KCTD8: variants seen among roughly 807,000 people sequenced by gnomAD.
KCTD8 encodes the protein BTB/POZ domain-containing protein KCTD8.
In KCTD8, 27 loss-of-function variants were observed where a neutral mutation model predicts 31.5. The observed-to-expected ratio is 0.86, with a 90% confidence interval of 0.63 to 1.18. The LOEUF (loss-of-function observed/expected upper bound fraction) is 1.18, where lower values mean the gene tolerates loss of function less well. Among genes scored for constraint, KCTD8 ranks in the 50% most tolerant of loss-of-function variants. The pLI, the probability that KCTD8 is intolerant of heterozygous loss-of-function variation, is 0.00. For missense variants in KCTD8, 658 were observed against 647.7 expected (o/e 1.02, Z -0.17); for synonymous variants, 290 against 280.0 (o/e 1.04, Z -0.36).
chr4:44,331,731 TTATA>T (rs368728228), intron 1 of KCTD8, among the ~76,000 whole-genome samples: 1 of 147,674 alleles, frequency 6.8e-6, no homozygotes, highest in African/African-American at 2.5e-5. Flanking sequence ...ATATATAGTT[TTATA>T]TATATATATA....
chr4:44,429,443 G>A (rs1280810193), intron 1 of KCTD8, among the ~76,000 whole-genome samples: 2 of 151,704 alleles, frequency 1.3e-5, no homozygotes, highest in Non-Finnish European at 2.9e-5. Flanking sequence ...GGATTTAAGG[G>A]CATAGATAGA....
intron 1 of KCTD8, among the ~76,000 whole-genome samples, chr4:44,341,371 T>C (rs796195194): frequency 5.9e-5 from 9 of 152,244 alleles, no homozygotes; most frequent in African/African-American, 1.4e-4. Context: ...ACAATGAAGA[T>C]TGCCTCATTG....
At chr4:44,401,119 C>T (rs965315426) in intron 1 of KCTD8, among the ~76,000 whole-genome samples, 4 of 146,858 alleles carry the variant, frequency 2.7e-5, no homozygotes, top group Non-Finnish European at 5.9e-5. Context: ...TCCCAAAGTG[C>T]CAGGATTACA....
intron 1 of KCTD8, among the ~76,000 whole-genome samples, chr4:44,232,645 G>T (rs1005353851): frequency 4.6e-5 from 7 of 152,100 alleles, no homozygotes; most frequent in Non-Finnish European, 8.8e-5. Flanking sequence ...TTTATCTTCT[G>T]AGATATGACA....
chr4:44,360,900 C>T (rs1320803618), intron 1 of KCTD8, among the ~76,000 whole-genome samples: 2 of 151,744 alleles, frequency 1.3e-5, no homozygotes, highest in Non-Finnish European at 2.9e-5. Flanking sequence ...CATTTGATTC[C>T]CAATATTTCA....
intron 1 of KCTD8, among the ~76,000 whole-genome samples, chr4:44,320,427 C>T (rs1477572825): frequency 6.6e-6 from 1 of 152,042 alleles, no homozygotes; most frequent in Non-Finnish European, 1.5e-5. Flanking sequence ...CAATTAAAAT[C>T]TCATTTTAGA....
chr4:44,258,458 G>A (rs1716062596), intron 1 of KCTD8, among the ~76,000 whole-genome samples: 1 of 151,842 alleles, frequency 6.6e-6, no homozygotes, highest in South Asian at 2.1e-4. Context: ...CTGGGGAGAA[G>A]GGAGGTAAAG....
chr4:44,413,123 T>G (rs1004194077), intron 1 of KCTD8, among the ~76,000 whole-genome samples: 1 of 152,232 alleles, frequency 6.6e-6, no homozygotes, highest in African/African-American at 2.4e-5. Flanking sequence ...TTTAACAGAA[T>G]GTATTATATT....
chr4:44,376,474 A>G (rs2109439811), intron 1 of KCTD8, among the ~76,000 whole-genome samples: 1 of 152,238 alleles, frequency 6.6e-6, no homozygotes, highest in African/African-American at 2.4e-5. Flanking sequence ...ACCTGAGGGA[A>G]CTTCATTTAT....
chr4:44,252,546 T>C (rs1392741155), intron 1 of KCTD8, among the ~76,000 whole-genome samples: 1 of 151,804 alleles, frequency 6.6e-6, no homozygotes, highest in Non-Finnish European at 1.5e-5. Flanking sequence ...TTTTTGATTA[T>C]GGGCATTGTT....
At chr4:44,181,453 G>T (rs1713397483) in intron 1 of KCTD8, among the ~76,000 whole-genome samples, 1 of 152,176 alleles carries the variant, frequency 6.6e-6, no homozygotes, top group African/African-American at 2.4e-5. Flanking sequence ...TCGCTGTGTT[G>T]GCTGGGCTGG....
At chr4:44,410,428 A>T (rs1720927003) in intron 1 of KCTD8, among the ~76,000 whole-genome samples, 1 of 152,174 alleles carries the variant, frequency 6.6e-6, no homozygotes, top group Admixed American at 6.5e-5. Flanking sequence ...TTGATAAGGT[A>T]ACTACAGTTA....
At chr4:44,396,374 C>T (rs927583698) in intron 1 of KCTD8, among the ~76,000 whole-genome samples, 1 of 152,060 alleles carries the variant, frequency 6.6e-6, no homozygotes, top group East Asian at 1.9e-4. Flanking sequence ...AGGTACAGGT[C>T]TGTGGCCTGG....
At chr4:44,339,132 T>C (rs1331012343) in intron 1 of KCTD8, among the ~76,000 whole-genome samples, 3 of 152,288 alleles carry the variant, frequency 2.0e-5, no homozygotes, top group South Asian at 2.1e-4. Flanking sequence ...CTTTTAAAAA[T>C]TGTAAATATA....
At chr4:44,228,395 T>A (rs538377693) in intron 1 of KCTD8, among the ~76,000 whole-genome samples, 1 of 152,304 alleles carries the variant, frequency 6.6e-6, no homozygotes, top group South Asian at 2.1e-4. Context: ...GTTACCTTTT[T>A]AGAGCCCTAT....
At chr4:44,298,520 C>A (rs1659383270) in intron 1 of KCTD8, among the ~76,000 whole-genome samples, 2 of 151,962 alleles carry the variant, frequency 1.3e-5, no homozygotes, top group African/African-American at 4.8e-5. Context: ...GTTGTAGCAG[C>A]AATAAGATAT....
intron 1 of KCTD8, among the ~76,000 whole-genome samples, chr4:44,297,535 A>T (rs1240222871): frequency 6.6e-6 from 1 of 152,084 alleles, no homozygotes; most frequent in Non-Finnish European, 1.5e-5. Context: ...TAAGGCAAAC[A>T]CTACCATTAA....
At chr4:44,190,399 TATA>T (rs1713730266) in intron 1 of KCTD8, among the ~76,000 whole-genome samples, 1 of 152,248 alleles carries the variant, frequency 6.6e-6, no homozygotes, top group Non-Finnish European at 1.5e-5. Flanking sequence ...GACATCTGTT[TATA>T]ATGATACTTG....
intron 1 of KCTD8, among the ~76,000 whole-genome samples, chr4:44,325,998 CA>C (rs1483629436): frequency 6.6e-6 from 1 of 151,920 alleles, no homozygotes; most frequent in Non-Finnish European, 1.5e-5. Context: ...AAAGACAAGC[CA>C]ACCGTGACCA....
Sources: allele counts gnomAD v4.1 joint callset (sites outside exome capture counted in the v4.1 genomes callset), GRCh38; gene constraint gnomAD v4.1.1; transcripts MANE v1.5; gene names NCBI Gene and HGNC (gene_info 2026-07-23, HGNC 2026-07-21).